Variants in BAZ1A observed in about 807,000 individuals in gnomAD.
BAZ1A encodes bromodomain adjacent to zinc finger domain 1A, also known as bromodomain adjacent to zinc finger domain protein 1A.
Under a neutral mutation model 185.2 loss-of-function variants are expected in BAZ1A, and 50 were observed. That is an observed-to-expected ratio of 0.27 (90% CI 0.22 to 0.34). The LOEUF (loss-of-function observed/expected upper bound fraction) is 0.34. BAZ1A is among the 10% of genes least tolerant of loss of function. The probability of loss-of-function intolerance (pLI) is 1.00; values close to 1 mark genes in which losing one functional copy is unlikely to be tolerated. For synonymous variants in BAZ1A, 571 were observed against 615.6 expected, an observed-to-expected ratio of 0.93 and a Z score of 1.07; for missense variants, 1,356 against 1,839.9, an observed-to-expected ratio of 0.74 and a Z score of 4.81.
intron 2 of BAZ1A, among the ~76,000 whole-genome samples, chr14:34,870,159 T>C (rs1594921793): frequency 6.6e-6 from 1 of 152,180 alleles, no homozygotes; most frequent in East Asian, 1.9e-4. Flanking sequence ...CAGTAACTGA[T>C]CAATGTATTG....
At chr14:34,868,108 C>G (rs1388282569) in intron 2 of BAZ1A, among the ~76,000 whole-genome samples, 1 of 152,182 alleles carries the variant, frequency 6.6e-6, no homozygotes, top group Non-Finnish European at 1.5e-5. Flanking sequence ...GGTGGGCATC[C>G]TACTGGCACA....
chr14:34,808,277 T>C (rs532296614), intron 5 of BAZ1A, among the ~76,000 whole-genome samples: 1 of 152,004 alleles, frequency 6.6e-6, no homozygotes, highest in African/African-American at 2.4e-5. Context: ...GTGGATCACT[T>C]GAGGTCAGGA....
intron 4 of BAZ1A, among the ~76,000 whole-genome samples, chr14:34,823,953 A>G (rs1053376576): frequency 5.3e-5 from 8 of 152,162 alleles, no homozygotes; most frequent in African/African-American, 1.9e-4. Flanking sequence ...AAACATATGA[A>G]CTACTGTCAG....
At chr14:34,833,864 TTA>T (rs2042288992) in intron 3 of BAZ1A, among the ~76,000 whole-genome samples, 2 of 152,228 alleles carry the variant, frequency 1.3e-5, no homozygotes, top group South Asian at 4.1e-4. Flanking sequence ...AGTAAAAATT[TTA>T]TGTTTATTTT....
Position 34,783,835 on chromosome 14 carries a change from G to A in BAZ1A, c.1924C>T (p.Arg642Ter). The A allele has an allele frequency of 1.2e-6, 2 of 1,613,026 alleles. No homozygotes were observed. Among genetic ancestry groups the A allele is most frequent in the Non-Finnish European group, 1.7e-6 (2 of 1,179,638 alleles). The change falls in exon 15 of 27, where the codon CGA (arginine) becomes TGA (stop). Residue 642 changes from arginine to a stop codon, truncating the protein, a stop_gained. Coordinates refer to ENST00000360310, the MANE Select transcript of BAZ1A (RefSeq NM_013448.3). LOFTEE classifies it high-confidence loss of function. ...TCCCGGAACTCCTGCTTTGCCTGTCGTAATATATCAACATAATCTTCAATA... is the reference window on the plus strand; with the variant it reads ...TCCCGGAACTCCTGCTTTGCCTGTCATAATATATCAACATAATCTTCAATA... ...DFIEDYVDILRQAKQEFRELK... is the reference protein window; with the variant it reads ...DFIEDYVDIL
chr14:34,802,844 C>A lies in BAZ1A; in HGVS notation c.861+10G>T. On this transcript the variant is annotated intron_variant, in intron 7 of 26. Coordinates refer to ENST00000360310, the MANE Select transcript of BAZ1A (RefSeq NM_013448.3). Reference sequence around the variant, plus strand: ...AGTGAAAATGTAGTTTTAATCAATTCTGTACTTACTTGACTAATATGTATT... The same window carrying A: ...AGTGAAAATGTAGTTTTAATCAATTATGTACTTACTTGACTAATATGTATT... 1 of 1,608,930 alleles carries A rather than the reference C, an allele frequency of 6.2e-7. No homozygotes were observed. Among genetic ancestry groups the A allele is most frequent in the African/African-American group, 1.3e-5 (1 of 74,810 alleles).
intron 4 of BAZ1A, among the ~76,000 whole-genome samples, chr14:34,813,104 C>T (rs1043457142): frequency 7.2e-5 from 11 of 152,082 alleles, no homozygotes; most frequent in South Asian, 2.1e-4. Context: ...CACTGCTGGC[C>T]GGGTGTGATG....
chr14:34,777,519 C>T (rs1328283993), intron 17 of BAZ1A, among the ~76,000 whole-genome samples: 1 of 151,502 alleles, frequency 6.6e-6, no homozygotes, highest in African/African-American at 2.4e-5. Context: ...TAGCAAGCAC[C>T]TGTAATCCCA....
chr14:34,752,823 A>G lies in BAZ1A; in HGVS notation c.*685T>C, dbSNP rs1886071287. 1 of 152,230 alleles carries G rather than the reference A, an allele frequency of 6.6e-6. No homozygotes were observed. The allele number at this position is 152,230 out of a possible 1,614,324, so 9.4% of individuals were successfully genotyped here. On this transcript the variant is annotated 3_prime_UTR_variant, in exon 27 of 27. Transcript: ENST00000360310. ...CTGTAAAGCTGAAAGAACTGTCAGG[A>G]AAAAGGGAGGGTGTTACTTTTTTTG...
chr14:34,759,181 T>TG (rs1886405199), intron 24 of BAZ1A, among the ~76,000 whole-genome samples: 7 of 117,564 alleles, frequency 6.0e-5, no homozygotes, highest in East Asian at 2.4e-4. Flanking sequence ...GTTTTTTTTT[T>TG]TTTTTTTTTT....
At chr14:34,868,895 T>TGA (rs953614917) in intron 2 of BAZ1A, among the ~76,000 whole-genome samples, 25 of 24,704 alleles carry the variant, frequency 1.0e-3, no homozygotes, top group Non-Finnish European at 1.7e-3. Context: ...TATGTAAGTA[T>TGA]GTATGTGTGT....
intron 23 of BAZ1A, among the ~76,000 whole-genome samples, chr14:34,764,153 A>C (rs952322224): frequency 6.6e-6 from 1 of 152,154 alleles, no homozygotes; most frequent in Non-Finnish European, 1.5e-5. Flanking sequence ...AGAAGTATAA[A>C]AATACAGTGC....
chr14:34,805,268 C>G (rs149653903), intron 6 of BAZ1A, among the ~76,000 whole-genome samples: 2 of 152,208 alleles, frequency 1.3e-5, no homozygotes, highest in Non-Finnish European at 2.9e-5. Flanking sequence ...TGGATTAATA[C>G]ACCAGCATAT....
At chr14:34,842,668 T>A (rs1414166244) in intron 3 of BAZ1A, among the ~76,000 whole-genome samples, 2 of 152,200 alleles carry the variant, frequency 1.3e-5, no homozygotes, top group East Asian at 3.8e-4. Context: ...CTATAATATC[T>A]TTTAATCCTG....
chr14:34,797,298 GCCTGTAAT>G (rs1255094859), intron 9 of BAZ1A, among the ~76,000 whole-genome samples: 1 of 152,162 alleles, frequency 6.6e-6, no homozygotes, highest in African/African-American at 2.4e-5. Context: ...GGTGGCTCAT[GCCTGTAAT>G]CCTAGCACTT....
intron 21 of BAZ1A, 139 bp from the exon 22 acceptor site, chr14:34,765,407 T>C (rs1878774383): frequency 1.9e-6 from 2 of 1,053,230 alleles, no homozygotes; most frequent in Admixed American, 2.9e-5. Flanking sequence ...ACCATGCTGA[T>C]ATTAAAAACA....
chr14:34,785,143 A>C (rs1880355663), intron 14 of BAZ1A, among the ~76,000 whole-genome samples: 1 of 152,232 alleles, frequency 6.6e-6, no homozygotes, highest in Non-Finnish European at 1.5e-5. Flanking sequence ...GGCATGAGCC[A>C]CTGTTCCCAG....
At chr14:34,805,341 T>C (rs2138665255) in intron 6 of BAZ1A, among the ~76,000 whole-genome samples, 1 of 152,368 alleles carries the variant, frequency 6.6e-6, no homozygotes, top group East Asian at 1.9e-4. Flanking sequence ...AATTCCCATT[T>C]ATTTATTAAG....
chr14:34,841,963 G>C (rs1200408), intron 3 of BAZ1A, among the ~76,000 whole-genome samples: 8 of 151,996 alleles, frequency 5.3e-5, no homozygotes, highest in Non-Finnish European at 8.8e-5. Flanking sequence ...AATTTTTTAT[G>C]TTTTTTAACT....
Sources: gnomAD v4.1 joint callset for allele counts (sites outside exome capture counted in the v4.1 genomes callset) on GRCh38, gnomAD v4.1.1 for gene constraint, MANE v1.5 for transcripts, NCBI Gene and HGNC (gene_info 2026-07-23, HGNC 2026-07-21) for gene names.